RBM19: variants seen among roughly 807,000 people sequenced by gnomAD.
RBM19 encodes the protein RNA binding motif protein 19.
A neutral mutation model predicts 116.8 loss-of-function variants in RBM19; 94 were observed. The observed-to-expected ratio is 0.80, with a 90% CI of 0.68 to 0.95. RBM19 has a LOEUF of 0.95. RBM19 is among the 40% of genes least tolerant of loss of function. The probability of loss-of-function intolerance (pLI) is 0.00; values close to 1 mark genes in which losing one functional copy is unlikely to be tolerated. For missense variants in RBM19, 1,161 were observed against 1,220.7 expected (o/e 0.95, Z 0.73); for synonymous variants, 475 against 494.1 (o/e 0.96, Z 0.51).
chr12:113,844,922 G>A, intron 22 of RBM19, 134 bp from the exon 23 acceptor site: 5 of 1,297,220 alleles, frequency 3.9e-6, no homozygotes, highest in Non-Finnish European at 5.1e-6. Context: ...CTGATCTCCA[G>A]CGAGGGTTTG....
chr12:113,948,816 G>A lies in RBM19; in HGVS notation c.1276+17C>T, dbSNP rs1410457563. 23 of 1,613,322 alleles carry A rather than the reference G, an allele frequency of 1.4e-5. No homozygotes were observed. Among genetic ancestry groups the A allele is most frequent in the African/African-American group, 6.7e-5 (5 of 74,894 alleles). On this transcript the variant is annotated intron_variant, in intron 10 of 23. Transcript: ENST00000261741. ...ATAGCCGCTGGGCTATCCACGGCCC[G>A]GAGGCCACACCCCTACCATATTTGG...
At chr12:113,862,890 C>T (rs912864232) in intron 21 of RBM19, among the ~76,000 whole-genome samples, 3 of 152,202 alleles carry the variant, frequency 2.0e-5, no homozygotes, top group African/African-American at 7.2e-5. Context: ...CGGTAACAAA[C>T]TCACACCTCA....
intron 1 of RBM19, among the ~76,000 whole-genome samples, chr12:113,964,309 T>C (rs1297550279): frequency 6.6e-6 from 1 of 152,246 alleles, no homozygotes; most frequent in Non-Finnish European, 1.5e-5. Flanking sequence ...AAATAAAACT[T>C]ACCTCACAGG....
intron 22 of RBM19, among the ~76,000 whole-genome samples, chr12:113,847,006 C>T (rs1278181754): frequency 6.6e-6 from 1 of 152,202 alleles, no homozygotes; most frequent in South Asian, 2.1e-4. Flanking sequence ...AGCCACTGTA[C>T]CCAGCCCATT....
intron 16 of RBM19, among the ~76,000 whole-genome samples, chr12:113,929,470 T>A (rs1445219687): frequency 3.9e-5 from 6 of 152,070 alleles, no homozygotes; most frequent in Admixed American, 3.3e-4. Flanking sequence ...CTAACACAAT[T>A]TACCCAACAA....
At chr12:113,866,195 A>G (rs965442642) in intron 21 of RBM19, among the ~76,000 whole-genome samples, 8 of 152,258 alleles carry the variant, frequency 5.3e-5, no homozygotes, top group Admixed American at 2.6e-4. Context: ...TTCTCCAGCT[A>G]CTGCTCATCA....
chr12:113,830,101 G>A (rs1035125417), intron 23 of RBM19, among the ~76,000 whole-genome samples: 1 of 152,190 alleles, frequency 6.6e-6, no homozygotes, highest in Non-Finnish European at 1.5e-5. Flanking sequence ...GATAGGGTTG[G>A]CTCCAGCCTT....
At position 113,833,934 on chromosome 12, in the gene RBM19, C is replaced by T. The variant is rs146904697; in HGVS notation, c.2786-10613G>A. On this transcript the variant is annotated intron_variant, in intron 23 of 23. Transcript: ENST00000261741. ...AATTTTTAAAGTTTTTTTTTAGAGA[C>T]GGGGTCTCGCTATGTGGCTCAGGCT... is the stretch of plus-strand genomic sequence containing the variant. 3.5e-3 allele frequency among the ~76,000 whole-genome samples: 531 copies of T among 151,838 alleles called. 4 individuals are homozygous for T. Among genetic ancestry groups the T allele is most frequent in the Admixed American group, 5.9e-3 (90 of 15,250 alleles).
intron 21 of RBM19, among the ~76,000 whole-genome samples, chr12:113,897,586 A>C: frequency 6.6e-6 from 1 of 152,292 alleles, no homozygotes; most frequent in South Asian, 2.1e-4. Flanking sequence ...CTGAGGTGGG[A>C]GGATCACTTG....
In RBM19 at chr12:113,894,187, CA is replaced by C. The variant is rs1471703996; in HGVS notation, c.2558+20781del. ...GAGAGGAGCACACACTTCAGAGGCT[CA>C]GGGGGTGTGAGTCAAAGTCATCTTG... On this transcript the variant is annotated intron_variant, in intron 21 of 23. Coordinates refer to ENST00000261741, the MANE Select transcript of RBM19 (RefSeq NM_016196.4). Among the ~76,000 whole-genome samples, 20 of 152,116 alleles carry C rather than the reference CA, an allele frequency of 1.3e-4. 1 individual carries two copies. The highest frequency in any genetic ancestry group is 1.0e-3 in the Admixed American group (16 of 15,284).
intron 1 of RBM19, 37 bp downstream of exon 1, chr12:113,966,155 C>G (rs780591304): frequency 5.0e-6 from 8 of 1,614,118 alleles, no homozygotes; most frequent in Non-Finnish European, 6.8e-6. Context: ...CCCGGCTGGT[C>G]TCATTTCAGA....
intron 16 of RBM19, among the ~76,000 whole-genome samples, chr12:113,934,964 C>T (rs893313819): frequency 8.5e-5 from 13 of 152,222 alleles, no homozygotes; most frequent in African/African-American, 3.1e-4. Context: ...CCTGGGCCCC[C>T]CGGGGTGCTG....
intron 1 of RBM19, among the ~76,000 whole-genome samples, chr12:113,965,506 A>G (rs1258940761): frequency 6.7e-6 from 1 of 150,152 alleles, no homozygotes; most frequent in Non-Finnish European, 1.5e-5. Context: ...AAGGAGCAGT[A>G]ATCCATTTAA....
At chr12:113,846,708 T>G (rs561511808) in intron 22 of RBM19, among the ~76,000 whole-genome samples, 1 of 151,942 alleles carries the variant, frequency 6.6e-6, no homozygotes. Flanking sequence ...GTGAGACACA[T>G]TTCTGGATTT....
chr12:113,947,798 A>G (rs1036081782), intron 10 of RBM19, among the ~76,000 whole-genome samples: 15 of 152,204 alleles, frequency 9.9e-5, no homozygotes, highest in African/African-American at 3.6e-4. Flanking sequence ...GTGCCAAAGA[A>G]GTGTCTTCCA....
chr12:113,882,666 C>G (rs1045713573), intron 21 of RBM19, among the ~76,000 whole-genome samples: 1 of 152,184 alleles, frequency 6.6e-6, no homozygotes, highest in Non-Finnish European at 1.5e-5. Context: ...GGGGCCCATG[C>G]CGAGCCCAGG....
intron 13 of RBM19, among the ~76,000 whole-genome samples, chr12:113,944,117 T>TTTTTTTTTTTTTTTTTTTTTTTTTTG (rs374683065): frequency 9.7e-6 from 1 of 102,590 alleles, no homozygotes; most frequent in East Asian, 5.3e-4. Flanking sequence ...TTTTTTTTTT[T>TTTTTTTTTTTTTTTTTTTTTTTTTTG]GGGGCAGACT....
intron 21 of RBM19, among the ~76,000 whole-genome samples, chr12:113,892,707 G>A (rs1881043197): frequency 6.6e-6 from 1 of 152,114 alleles, no homozygotes; most frequent in South Asian, 2.1e-4. Flanking sequence ...CCACTCAAAA[G>A]GTTTATTAAA....
chr12:113,928,510 T>C (rs1869320562), intron 16 of RBM19, among the ~76,000 whole-genome samples: 1 of 150,344 alleles, frequency 6.7e-6, no homozygotes, highest in African/African-American at 2.4e-5. Flanking sequence ...AGGATGGCAC[T>C]AGGGATGGTC....
Sources: allele counts gnomAD v4.1 joint callset (sites outside exome capture counted in the v4.1 genomes callset), GRCh38; gene constraint gnomAD v4.1.1; transcripts MANE v1.5; gene names NCBI Gene and HGNC (gene_info 2026-07-23, HGNC 2026-07-21).